RSF1: variants seen among roughly 807,000 people sequenced by gnomAD.
RSF1 encodes remodeling and spacing factor 1.
RSF1 carries 13 observed loss-of-function variants against 145.2 expected under a neutral mutation model. The observed-to-expected ratio is 0.09, with a 90% CI of 0.06 to 0.14. The LOEUF (loss-of-function observed/expected upper bound fraction) is 0.14. Among genes scored for constraint, RSF1 ranks in the 10% least tolerant of loss-of-function variants. RSF1 has a pLI of 1.00. For missense variants in RSF1, 1,517 were observed against 1,718.2 expected (o/e 0.88, Z 2.07); for synonymous variants, 577 against 592.6 (o/e 0.97, Z 0.38).
chr11:77,813,729 G>A, intron 1 of RSF1: 2 of 384,772 alleles, frequency 5.2e-6, no homozygotes, highest in South Asian at 2.2e-5. Flanking sequence ...GCGAACAGTA[G>A]TGAGTAAGGA....
chr11:77,752,568 A>G (rs529543054), intron 2 of RSF1, among the ~76,000 whole-genome samples: 32 of 152,218 alleles, frequency 2.1e-4, no homozygotes, highest in Admixed American at 2.0e-3. Context: ...CCCTCTCTGT[A>G]GCTGAGAGCT....
chr11:77,693,495 GC>G lies in RSF1; in HGVS notation c.2820+11del. On this transcript the variant is annotated intron_variant, in intron 8 of 15. Transcript: ENST00000308488. ...ACTCAAAGACTAGAAAAACAAGTGG[GC>G]GGGGTCTTACATGTTGGCAAGGTGG... is the stretch of plus-strand genomic sequence containing the variant. 1 of 1,544,772 alleles carries G rather than the reference GC, an allele frequency of 6.5e-7. No individual in the cohort carries two copies. The highest frequency in any genetic ancestry group is 8.9e-7 in the Non-Finnish European group (1 of 1,117,330).
chr11:77,827,421 T>C, the RSF1 span, among the ~76,000 whole-genome samples: 2 of 151,972 alleles, frequency 1.3e-5, no homozygotes, highest in African/African-American at 2.4e-5. Flanking sequence ...CAACCACATA[T>C]AAAAAGGATT....
chr11:77,739,954 G>A (rs755438812), intron 4 of RSF1, among the ~76,000 whole-genome samples: 2 of 152,186 alleles, frequency 1.3e-5, no homozygotes, highest in Non-Finnish European at 2.9e-5. Flanking sequence ...TGACAAAAAA[G>A]TGCAATGTTC....
the RSF1 span, among the ~76,000 whole-genome samples, chr11:77,841,471 C>A: frequency 8.2e-3 from 1,246 of 152,250 alleles, 14 homozygotes; most frequent in African/African-American, 0.027. Context: ...TTGGCTCAAA[C>A]ACCTTGAGGC....
chr11:77,724,316 G>A (rs1961003013), intron 5 of RSF1, among the ~76,000 whole-genome samples: 1 of 152,146 alleles, frequency 6.6e-6, no homozygotes, highest in Non-Finnish European at 1.5e-5. Flanking sequence ...AAAACAGTAT[G>A]TGCTTCCTCA....
Position 77,664,077 on chromosome 11 carries a change from T to TAA in RSF1, c.*2839_*2840insTT, listed in dbSNP as rs1959301239. On this transcript the variant is annotated 3_prime_UTR_variant, in exon 16 of 16. Coordinates refer to ENST00000308488, the MANE Select transcript of RSF1 (RefSeq NM_016578.4). ...GTTCGTAGTGACTGTATTGTCTTTG[T>TAA]ATACAGAACATTTCGTTTTCTAAAA... 2 of 152,210 alleles carry TAA rather than the reference T, an allele frequency of 1.3e-5. No homozygotes were observed. The highest frequency in any genetic ancestry group is 2.9e-5 in the Non-Finnish European group (2 of 68,046). 9.4% of individuals were successfully genotyped at this position (152,210 alleles called of 1,614,324 possible).
intron 14 of RSF1, among the ~76,000 whole-genome samples, chr11:77,674,492 A>C (rs2135815310): frequency 6.6e-6 from 1 of 152,360 alleles, no homozygotes; most frequent in African/African-American, 2.4e-5. Context: ...CAGTTTATTG[A>C]GAATGATTTC....
At chr11:77,691,078 A>G (rs1434475010) in intron 9 of RSF1, 81 bp downstream of exon 9, 10 of 1,354,132 alleles carry the variant, frequency 7.4e-6, no homozygotes, top group Admixed American at 3.5e-5. Flanking sequence ...TCCTTGTTTT[A>G]GATGGATCCA....
At chr11:77,861,238 C>T in the RSF1 span, among the ~76,000 whole-genome samples, 1 of 152,200 alleles carries the variant, frequency 6.6e-6, no homozygotes, top group Non-Finnish European at 1.5e-5. Flanking sequence ...TAGAATGTCT[C>T]TCCCTAACAA....
intron 2 of RSF1, among the ~76,000 whole-genome samples, chr11:77,747,687 G>GT (rs1421164966): frequency 1.3e-5 from 2 of 152,176 alleles, no homozygotes; most frequent in African/African-American, 2.4e-5. Flanking sequence ...CAGAGCCACT[G>GT]TAACAGACCA....
Position 77,762,767 on chromosome 11 carries a change from T to A in RSF1, c.279+1831A>T, listed in dbSNP as rs1313200204. On this transcript the variant is annotated intron_variant, in intron 2 of 15. Coordinates refer to ENST00000308488, the MANE Select transcript of RSF1 (RefSeq NM_016578.4). Reference sequence around the variant, plus strand: ...GGCCTAGCAGATGCCAGATACTTGCTCTGGATTTAAACAGAATTTTATATT... The same window carrying A: ...GGCCTAGCAGATGCCAGATACTTGCACTGGATTTAAACAGAATTTTATATT... The A allele has an allele frequency of 2.0e-5, 3 of 152,192 alleles. No homozygotes were observed. The East Asian group carries it at 5.8e-4, about 29-fold the overall frequency. The allele number at this position is 152,192 out of a possible 1,614,324, so 9.4% of individuals were successfully genotyped here.
At chr11:77,865,424 G>A in the RSF1 span, among the ~76,000 whole-genome samples, 1 of 152,114 alleles carries the variant, frequency 6.6e-6, no homozygotes, top group South Asian at 2.1e-4. Context: ...TGTAGGAACC[G>A]GTTGTAGGCA....
the RSF1 span, among the ~76,000 whole-genome samples, chr11:77,852,385 T>C: frequency 2.0e-5 from 3 of 152,192 alleles, no homozygotes; most frequent in African/African-American, 7.2e-5. Flanking sequence ...ATTTCCTGTC[T>C]GTCTTGATTT....
intron 3 of RSF1, among the ~76,000 whole-genome samples, chr11:77,742,368 CTCCTGGG>C (rs1947950875): frequency 6.6e-6 from 1 of 152,108 alleles, no homozygotes; most frequent in Non-Finnish European, 1.5e-5. Flanking sequence ...TAACCTCCGC[CTCCTGGG>C]TTCAAGAGAT....
chr11:77,664,148 A>G lies in RSF1; in HGVS notation c.*2769T>C, dbSNP rs1959303265. 6.6e-6 allele frequency: 1 copy of G among 152,208 alleles called. No homozygotes were observed. The highest frequency in any genetic ancestry group is 6.5e-5 in the Admixed American group (1 of 15,268). The allele number at this position is 152,208 out of a possible 1,614,324, so 9.4% of individuals were successfully genotyped here. On this transcript the variant is annotated 3_prime_UTR_variant, in exon 16 of 16. Coordinates refer to ENST00000308488, the MANE Select transcript of RSF1 (RefSeq NM_016578.4). ...ACCTTCAGAGTGTATTTCAGTGATC[A>G]TAAACTCTTTGAGGGACTGAATCTG...
At position 77,667,151 on chromosome 11, in the gene RSF1, G is replaced by A. The variant is rs140775999; in HGVS notation, c.4092C>T (p.Ser1364=). Residue 1364 remains serine (S), a synonymous_variant, in exon 16 of 16, where the codon AGC becomes AGT. Transcript: ENST00000308488. ...CATTGGTTGAAGGTAAGTCCACTAA[G>A]CTATAGTCCAATGGGCTCCCCACTT... ...VGKVGSPLDY[S]LVDLPSTNGQ... The A allele has an allele frequency of 7.4e-6, 12 of 1,614,096 alleles. No homozygotes were observed. In the African/African-American group the frequency reaches 1.5e-4, roughly 20 times the overall value.
At chr11:77,669,231 C>T (rs1289411584) in intron 15 of RSF1, among the ~76,000 whole-genome samples, 3 of 152,176 alleles carry the variant, frequency 2.0e-5, no homozygotes, top group Middle Eastern at 3.2e-3. Flanking sequence ...TGACCCAGTT[C>T]CACCCTCCAT....
chr11:77,760,989 G>A (rs1348699505), intron 2 of RSF1, among the ~76,000 whole-genome samples: 1 of 151,648 alleles, frequency 6.6e-6, no homozygotes, highest in Non-Finnish European at 1.5e-5. Flanking sequence ...TCGGCTCACC[G>A]CGATCTCGGC....
Sources: allele counts gnomAD v4.1 joint callset (sites outside exome capture counted in the v4.1 genomes callset), GRCh38; gene constraint gnomAD v4.1.1; transcripts MANE v1.5; gene names NCBI Gene and HGNC (gene_info 2026-07-23, HGNC 2026-07-21).